PDGFD: variants seen among roughly 807,000 people sequenced by gnomAD.
The protein encoded by PDGFD is platelet derived growth factor D.
A neutral mutation model predicts 44.7 loss-of-function variants in PDGFD; 30 were observed. The observed-to-expected ratio is 0.67, with a 90% CI of 0.50 to 0.91. PDGFD has a LOEUF of 0.91. Ranked by LOEUF, PDGFD falls within the 40% of genes least tolerant of loss-of-function variation. The probability of loss-of-function intolerance (pLI) is 0.00; values close to 1 mark genes in which losing one functional copy is unlikely to be tolerated. For missense variants in PDGFD, 445 were observed against 457.8 expected (o/e 0.97, Z 0.25); for synonymous variants, 173 against 168.4 (o/e 1.03, Z -0.21).
At chr11:104,050,037 T>C (rs1860506059) in intron 1 of PDGFD, among the ~76,000 whole-genome samples, 1 of 152,100 alleles carries the variant, frequency 6.6e-6, no homozygotes, top group Admixed American at 6.5e-5. Context: ...TAGTTCGGTA[T>C]GGTTATATGT....
At chr11:103,939,261 G>C (rs1565289672) in intron 5 of PDGFD, among the ~76,000 whole-genome samples, 2 of 152,028 alleles carry the variant, frequency 1.3e-5, no homozygotes, top group Non-Finnish European at 2.9e-5. Flanking sequence ...TCCTTGAAGA[G>C]GTCCTTCATG....
chr11:104,028,513 A>C, intron 1 of PDGFD, among the ~76,000 whole-genome samples: 1 of 151,464 alleles, frequency 6.6e-6, no homozygotes, highest in Admixed American at 6.6e-5. Context: ...TCTATGAAGA[A>C]ATGGTCTCAG....
chr11:104,105,172 TCA>T (rs1861454881), intron 1 of PDGFD, among the ~76,000 whole-genome samples: 1 of 152,148 alleles, frequency 6.6e-6, no homozygotes, highest in Non-Finnish European at 1.5e-5. Context: ...TTGCCCAGGA[TCA>T]CACAGAGGTA....
Position 103,961,325 on chromosome 11 carries a change from T to A in PDGFD, c.511-13601A>T, listed in dbSNP as rs577217937. Among the ~76,000 whole-genome samples the A allele has an allele frequency of 9.2e-5, 14 of 152,256 alleles. 1 individual carries two copies. The South Asian group carries it at 2.7e-3, about 29-fold the overall frequency. On this transcript the variant is annotated intron_variant, in intron 3 of 6. Transcript: ENST00000393158. ...TAGAATGAATAAATGAATAATCCAA[T>A]CTATAGAAATAAATGCTCTACTGGG...
intron 1 of PDGFD, among the ~76,000 whole-genome samples, chr11:104,039,504 T>C (rs1860311669): frequency 6.6e-6 from 1 of 152,126 alleles, no homozygotes; most frequent in African/African-American, 2.4e-5. Context: ...ACCTCTTCCT[T>C]TCTAGCCACC....
intron 1 of PDGFD, among the ~76,000 whole-genome samples, chr11:104,092,240 T>G (rs1183910411): frequency 6.6e-6 from 1 of 152,178 alleles, no homozygotes; most frequent in East Asian, 1.9e-4. Context: ...GTTCTGTAGC[T>G]TCTTTATATG....
At position 104,000,114 on chromosome 11, in the gene PDGFD, G is replaced by A; in HGVS notation, c.266C>T (p.Thr89Ile). ...ATTGTCAAACACTAGCTGTATCCGT[G>A]TATTCTCCTGAGAGTGAAGCCGCCA... Reference protein sequence around the residue: ...LTWRLHSQENTRIQLVFDNQF... With the variant: ...LTWRLHSQENIRIQLVFDNQF... Residue 89 changes from threonine to isoleucine, a missense_variant, in exon 2 of 7, where the codon ACA (threonine) becomes ATA (isoleucine). By Grantham distance (89) the Thr-to-Ile change is moderately conservative. Coordinates refer to ENST00000393158, the MANE Select transcript of PDGFD (RefSeq NM_025208.5). 1 of 1,613,996 alleles carries A rather than the reference G, an allele frequency of 6.2e-7. No individual in the cohort carries two copies. Among genetic ancestry groups the A allele is most frequent in the East Asian group, 2.2e-5 (1 of 44,862 alleles).
rs1591097720 is a variant in PDGFD, at chr11:103,964,520, T to C, written c.511-16796A>G. 2.0e-5 allele frequency among the ~76,000 whole-genome samples: 3 copies of C among 152,300 alleles called. No homozygotes were observed. The South Asian group carries it at 6.2e-4, about 32-fold the overall frequency. On this transcript the variant is annotated intron_variant, in intron 3 of 6. Coordinates refer to ENST00000393158, the MANE Select transcript of PDGFD (RefSeq NM_025208.5). ...TCCAGATTTTGTGCACTCTAACATA[T>C]GCTTTAAGAAAAGCAGGTCCTTTTC...
chr11:103,979,570 A>G (rs889552981), intron 3 of PDGFD, among the ~76,000 whole-genome samples: 1 of 152,146 alleles, frequency 6.6e-6, no homozygotes, highest in African/African-American at 2.4e-5. Flanking sequence ...ATGTTTGTAG[A>G]AAGAATGAGT....
chr11:104,124,435 A>G (rs549912752), intron 1 of PDGFD, among the ~76,000 whole-genome samples: 10 of 152,244 alleles, frequency 6.6e-5, no homozygotes, highest in African/African-American at 2.2e-4. Flanking sequence ...GAGTGGTCTC[A>G]GAAGATATTC....
intron 1 of PDGFD, among the ~76,000 whole-genome samples, chr11:104,020,331 A>G (rs1370373927): frequency 6.6e-6 from 1 of 152,154 alleles, no homozygotes; most frequent in Admixed American, 6.5e-5. Flanking sequence ...CTGAAAATAT[A>G]AACTCCACAA....
At chr11:104,155,783 C>T (rs961295769) in intron 1 of PDGFD, among the ~76,000 whole-genome samples, 1 of 152,174 alleles carries the variant, frequency 6.6e-6, no homozygotes, top group South Asian at 2.1e-4. Context: ...CAGGTGGTTG[C>T]TACATTGCTT....
chr11:104,055,516 A>C (rs1666248659), intron 1 of PDGFD, among the ~76,000 whole-genome samples: 1 of 152,252 alleles, frequency 6.6e-6, no homozygotes, highest in Admixed American at 6.5e-5. Flanking sequence ...TAGTTGGATC[A>C]GTAAGGTAAT....
At chr11:104,147,338 C>T (rs566623780) in intron 1 of PDGFD, among the ~76,000 whole-genome samples, 117 of 152,098 alleles carry the variant, frequency 7.7e-4, no homozygotes, top group Non-Finnish European at 1.4e-3. Context: ...ATGAGCCTGT[C>T]ATGGGAACAC....
rs190526100 is a variant in PDGFD at position 104,148,790 on chromosome 11, C to T, written c.124+15014G>A. 4.6e-3 allele frequency among the ~76,000 whole-genome samples: 707 copies of T among 152,060 alleles called. 2 individuals carry two copies. The highest frequency in any genetic ancestry group is 7.2e-3 in the Non-Finnish European group (491 of 67,944). On this transcript the variant is annotated intron_variant, in intron 1 of 6. Coordinates refer to ENST00000393158, the MANE Select transcript of PDGFD (RefSeq NM_025208.5). ...CCCCAGTGTGTGTTGTTCCCCAATA[C>T]GTGTCCATGTGTTCTCATAACTTAG...
chr11:103,992,675 C>T (rs994334357), intron 3 of PDGFD, among the ~76,000 whole-genome samples: 2 of 152,184 alleles, frequency 1.3e-5, no homozygotes, highest in African/African-American at 2.4e-5. Context: ...TTGAATTCCA[C>T]ACATCAAAAA....
At chr11:104,050,297 T>C (rs1191372821) in intron 1 of PDGFD, among the ~76,000 whole-genome samples, 1 of 152,094 alleles carries the variant, frequency 6.6e-6, no homozygotes, top group African/African-American at 2.4e-5. Flanking sequence ...TGTTCTGCTC[T>C]ATTTTCTCAG....
In PDGFD at chr11:104,087,021, CTTTTTTTTTTT is replaced by C. The variant is rs528848924; in HGVS notation, c.124+76772_124+76782del. ...TCCCTCTTGTACCTAGGCTCTTAGT[CTTTTTTTTTTT>C]TTTTTTTTTTTTTTGACAGAGTCTA... On this transcript the variant is annotated intron_variant, in intron 1 of 6. Coordinates refer to ENST00000393158, the MANE Select transcript of PDGFD (RefSeq NM_025208.5). Among the ~76,000 whole-genome samples the C allele has an allele frequency of 1.6e-4, 17 of 103,210 alleles. No homozygotes were observed. The Admixed American group carries it at 1.9e-3, about 11-fold the overall frequency. The allele number at this position is 103,210 out of a possible 152,430, so 67.7% of individuals were successfully genotyped here. A position where few individuals can be genotyped will look rare whatever the true frequency, so the allele number is the denominator to read the frequency against.
At chr11:104,047,500 C>T (rs759317516) in intron 1 of PDGFD, among the ~76,000 whole-genome samples, 4 of 146,980 alleles carry the variant, frequency 2.7e-5, no homozygotes, top group South Asian at 4.6e-4. Flanking sequence ...AGTGATGATG[C>T]GCTTTTTTTC....
Sources: allele counts gnomAD v4.1 joint callset (sites outside exome capture counted in the v4.1 genomes callset), GRCh38; gene constraint gnomAD v4.1.1; transcripts MANE v1.5; gene names NCBI Gene and HGNC (gene_info 2026-07-23, HGNC 2026-07-21).